RBFOX1: variants seen among roughly 807,000 people sequenced by gnomAD.
The protein encoded by RBFOX1 is RNA binding fox-1 homolog 1.
RBFOX1 carries 8 observed loss-of-function variants against 57.7 expected under a neutral mutation model. The ratio of observed to expected loss-of-function variants is 0.14; its 90% CI spans 0.08 to 0.25. The LOEUF is 0.25. RBFOX1 is among the 10% of genes least tolerant of loss of function. RBFOX1 has a pLI of 1.00. For synonymous variants in RBFOX1, 326 were observed against 222.4 expected (o/e 1.47, Z -4.15); for missense variants, 611 against 548.5 (o/e 1.11, Z -1.14).
At chr16:5,619,910 C>T (rs529078796) in intron 3 of RBFOX1, among the ~76,000 whole-genome samples, 5 of 151,724 alleles carry the variant, frequency 3.3e-5, no homozygotes, top group African/African-American at 9.7e-5. Flanking sequence ...TGCTGACTTT[C>T]TACAGCCATT....
intron 3 of RBFOX1, among the ~76,000 whole-genome samples, chr16:6,861,298 G>A (rs11646704): frequency 2.6e-5 from 4 of 151,970 alleles, no homozygotes; most frequent in African/African-American, 9.7e-5. Flanking sequence ...ACAAAAACAA[G>A]GTCCCTTTCG....
At chr16:6,858,448 A>G (rs928066574) in intron 3 of RBFOX1, among the ~76,000 whole-genome samples, 5 of 152,100 alleles carry the variant, frequency 3.3e-5, no homozygotes, top group Non-Finnish European at 7.4e-5. Context: ...CAATCTCGTT[A>G]TGGGAAGGAC....
chr16:7,368,937 T>G (rs2097518047), intron 4 of RBFOX1, among the ~76,000 whole-genome samples: 1 of 152,094 alleles, frequency 6.6e-6, no homozygotes, highest in African/African-American at 2.4e-5. Flanking sequence ...TTTTGTGGAA[T>G]GAGAAGGGAG....
chr16:6,349,429 G>A (rs2085914528), intron 2 of RBFOX1, among the ~76,000 whole-genome samples: 1 of 152,158 alleles, frequency 6.6e-6, no homozygotes, highest in African/African-American at 2.4e-5. Context: ...TACGAATATT[G>A]TGGTAAAATA....
chr16:6,897,561 A>G (rs1420057990), intron 3 of RBFOX1, among the ~76,000 whole-genome samples: 1 of 152,228 alleles, frequency 6.6e-6, no homozygotes, highest in South Asian at 2.1e-4. Flanking sequence ...TGGGAGTCCA[A>G]GGCGGGCGGA....
intron 4 of RBFOX1, among the ~76,000 whole-genome samples, chr16:7,361,957 GTA>G (rs761783867): frequency 3.3e-5 from 5 of 151,864 alleles, no homozygotes; most frequent in East Asian, 3.9e-4. Context: ...TGTTTTGTGT[GTA>G]TGTTTGTGTG....
intron 3 of RBFOX1, among the ~76,000 whole-genome samples, chr16:6,672,135 A>G (rs1344876118): frequency 6.6e-6 from 1 of 152,196 alleles, no homozygotes; most frequent in Non-Finnish European, 1.5e-5. Context: ...ATTGGAGGCT[A>G]AGGTAACATT....
At chr16:5,434,445 C>T (rs2067853897) in intron 1 of RBFOX1, among the ~76,000 whole-genome samples, 1 of 148,572 alleles carries the variant, frequency 6.7e-6, no homozygotes, top group South Asian at 2.1e-4. Flanking sequence ...CCTTAGCCTC[C>T]TGAGTAGCTG....
chr16:6,136,027 T>C (rs2152688955), intron 1 of RBFOX1, among the ~76,000 whole-genome samples: 1 of 152,206 alleles, frequency 6.6e-6, no homozygotes, highest in South Asian at 2.1e-4. Flanking sequence ...ACTCCTGACC[T>C]CAAGTGATCT....
intron 2 of RBFOX1, among the ~76,000 whole-genome samples, chr16:6,356,926 G>A (rs1375792531): frequency 1.3e-5 from 2 of 152,126 alleles, no homozygotes; most frequent in African/African-American, 4.8e-5. Context: ...AATGAAATAA[G>A]TCTATGAAAG....
At chr16:6,020,774 C>T (rs1018930240) in intron 1 of RBFOX1, among the ~76,000 whole-genome samples, 2 of 152,076 alleles carry the variant, frequency 1.3e-5, no homozygotes, top group Non-Finnish European at 2.9e-5. Flanking sequence ...GGGCGCCGCT[C>T]CCATCTCCCC....
chr16:5,443,975 T>C (rs2068164823), intron 1 of RBFOX1, among the ~76,000 whole-genome samples: 1 of 152,178 alleles, frequency 6.6e-6, no homozygotes, highest in African/African-American at 2.4e-5. Context: ...CATCGGCTCA[T>C]GAAACATTTC....
At chr16:6,607,484 C>T (rs751335612) in intron 2 of RBFOX1, among the ~76,000 whole-genome samples, 1 of 145,714 alleles carries the variant, frequency 6.9e-6, no homozygotes, top group East Asian at 2.0e-4. Flanking sequence ...TCTCTCCTTA[C>T]TCTTTCTTCC....
At chr16:7,413,829 G>T (rs138479620) in intron 4 of RBFOX1, among the ~76,000 whole-genome samples, 37 of 152,138 alleles carry the variant, frequency 2.4e-4, no homozygotes, top group African/African-American at 8.7e-4. Context: ...CCATGAACTT[G>T]GTTTCTACCC....
chr16:7,051,984 C>A (rs557739231), intron 3 of RBFOX1, 73 bp from the exon 4 acceptor site: 1 of 1,562,644 alleles, frequency 6.4e-7, no homozygotes, highest in African/African-American at 1.4e-5. Flanking sequence ...TTAAAAGTAA[C>A]TTTCTGTTTT....
At chr16:7,275,037 T>C (rs1021445789) in intron 4 of RBFOX1, among the ~76,000 whole-genome samples, 1 of 152,070 alleles carries the variant, frequency 6.6e-6, no homozygotes, top group African/African-American at 2.4e-5. Flanking sequence ...GAGCAGGTGG[T>C]CGAAGGGTGG....
chr16:5,590,053 A>G (rs2046955475), intron 2 of RBFOX1, among the ~76,000 whole-genome samples: 2 of 142,596 alleles, frequency 1.4e-5, no homozygotes, highest in African/African-American at 5.4e-5. Flanking sequence ...TGTTACACAC[A>G]CACACACACA....
chr16:5,874,565 A>T (rs2057558143), intron 4 of RBFOX1, among the ~76,000 whole-genome samples: 1 of 152,190 alleles, frequency 6.6e-6, no homozygotes, highest in African/African-American at 2.4e-5. Context: ...ATACATTTTG[A>T]AGGAGAAGGA....
At chr16:5,973,525 A>G (rs553686992) in intron 4 of RBFOX1, among the ~76,000 whole-genome samples, 132 of 152,314 alleles carry the variant, frequency 8.7e-4, no homozygotes, top group Non-Finnish European at 1.6e-3. Flanking sequence ...TACGCAGGAT[A>G]TGAAGGACCA....
Sources: allele counts gnomAD v4.1 joint callset (sites outside exome capture counted in the v4.1 genomes callset), GRCh38; gene constraint gnomAD v4.1.1; transcripts MANE v1.5; gene names NCBI Gene and HGNC (gene_info 2026-07-23, HGNC 2026-07-21).